Variants in ERBB4 observed in about 807,000 individuals in gnomAD.
ERBB4 encodes the protein receptor tyrosine-protein kinase erbB-4.
A neutral mutation model predicts 158.0 loss-of-function variants in ERBB4; 42 were observed. The ratio of observed to expected loss-of-function variants is 0.27; its 90% CI spans 0.21 to 0.34. ERBB4 has a LOEUF of 0.34. Ranked by LOEUF, ERBB4 falls within the 10% of genes least tolerant of loss-of-function variation. ERBB4 has a pLI of 1.00. For missense variants in ERBB4, 1,333 were observed against 1,624.1 expected, an observed-to-expected ratio of 0.82 and a Z score of 3.08; for synonymous variants, 583 against 558.7, an observed-to-expected ratio of 1.04 and a Z score of -0.61.
chr2:212,087,962 G>A (rs912887467), intron 2 of ERBB4, among the ~76,000 whole-genome samples: 3 of 152,052 alleles, frequency 2.0e-5, no homozygotes, highest in South Asian at 2.1e-4. Context: ...GAAATAATGC[G>A]TGTTAAGCTT....
intron 20 of ERBB4, among the ~76,000 whole-genome samples, chr2:211,526,999 G>A (rs1440270628): frequency 6.6e-6 from 1 of 152,004 alleles, no homozygotes; most frequent in Non-Finnish European, 1.5e-5. Context: ...TTAATGAGGA[G>A]ACAGAGAAAA....
intron 1 of ERBB4, among the ~76,000 whole-genome samples, chr2:212,261,206 G>C (rs2084931587): frequency 6.6e-6 from 1 of 152,152 alleles, no homozygotes; most frequent in South Asian, 2.1e-4. Context: ...TTGTGACCAA[G>C]ATACTGTTTG....
chr2:212,405,115 C>A (rs2091310040), intron 1 of ERBB4, among the ~76,000 whole-genome samples: 1 of 151,906 alleles, frequency 6.6e-6, no homozygotes, highest in South Asian at 2.1e-4. Flanking sequence ...GGTTAAATAT[C>A]CAGCATCCGT....
At chr2:212,319,972 T>G (rs1217042480) in intron 1 of ERBB4, among the ~76,000 whole-genome samples, 1 of 150,238 alleles carries the variant, frequency 6.7e-6, no homozygotes, top group East Asian at 1.9e-4. Context: ...CCTCCATTCC[T>G]TCCCCAAAAA....
At chr2:211,580,146 A>T (rs4599046) in intron 19 of ERBB4, among the ~76,000 whole-genome samples, 116,083 of 152,044 alleles carry the variant, frequency 0.76, 45,989 homozygotes, top group East Asian at 0.89. Context: ...AGTGAATTAA[A>T]GCAGTCTGTG....
chr2:211,589,858 G>C (rs4673623), intron 19 of ERBB4, among the ~76,000 whole-genome samples: 135,471 of 152,198 alleles, frequency 0.89, 60,511 homozygotes, highest in African/African-American at 0.96. Flanking sequence ...GTCCAATTAT[G>C]AGAGAAGAGC....
At chr2:212,047,466 T>TATTC (rs2077285889) in intron 2 of ERBB4, among the ~76,000 whole-genome samples, 1 of 151,590 alleles carries the variant, frequency 6.6e-6, no homozygotes, top group Admixed American at 6.6e-5. Flanking sequence ...ATATTAATTT[T>TATTC]ATTTATTTAT....
chr2:211,472,477 G>A (rs1043604256), intron 20 of ERBB4, among the ~76,000 whole-genome samples: 5 of 150,956 alleles, frequency 3.3e-5, no homozygotes, highest in Non-Finnish European at 5.9e-5. Context: ...CTTATAAAAC[G>A]CTATTATATT....
intron 19 of ERBB4, among the ~76,000 whole-genome samples, chr2:211,618,895 G>T (rs1427234441): frequency 6.6e-6 from 1 of 152,016 alleles, no homozygotes; most frequent in Non-Finnish European, 1.5e-5. Flanking sequence ...AACATTACAT[G>T]TCTGAATCAA....
At chr2:212,431,567 A>G (rs958892147) in intron 1 of ERBB4, among the ~76,000 whole-genome samples, 4 of 152,142 alleles carry the variant, frequency 2.6e-5, no homozygotes, top group Admixed American at 6.6e-5. Flanking sequence ...CATTGAATGT[A>G]TATCAGATCA....
At chr2:212,397,015 T>G (rs1185804803) in intron 1 of ERBB4, among the ~76,000 whole-genome samples, 1 of 152,212 alleles carries the variant, frequency 6.6e-6, no homozygotes, top group East Asian at 1.9e-4. Context: ...ATTAATCAAT[T>G]GGTATTGTAT....
intron 1 of ERBB4, among the ~76,000 whole-genome samples, chr2:212,407,000 C>T (rs1040669418): frequency 4.6e-5 from 7 of 152,028 alleles, no homozygotes; most frequent in Admixed American, 1.3e-4. Context: ...GGTGAATTCC[C>T]TTAAAATAGC....
rs190899647 is a variant in ERBB4 at position 212,418,067 on chromosome 2, A to C, written c.82+120382T>G. Among the ~76,000 whole-genome samples, 7 of 152,082 alleles carry C rather than the reference A, an allele frequency of 4.6e-5. No homozygotes were observed. The East Asian group carries it at 1.4e-3, about 29-fold the overall frequency. On this transcript the variant is annotated intron_variant, in intron 1 of 27. Coordinates refer to ENST00000342788, the MANE Select transcript of ERBB4 (RefSeq NM_005235.3). ...AGTCAGGAAGAAGGCCCTTACAAATAACTGAATCTATTAACATCTTGGTCT... is the reference window on the plus strand; with the variant it reads ...AGTCAGGAAGAAGGCCCTTACAAATCACTGAATCTATTAACATCTTGGTCT...
chr2:212,114,106 C>A (rs2079503177), intron 2 of ERBB4, among the ~76,000 whole-genome samples: 1 of 152,162 alleles, frequency 6.6e-6, no homozygotes, highest in African/African-American at 2.4e-5. Context: ...TGGGCTTTGT[C>A]TGGTACTTGT....
At chr2:211,640,021 C>A (rs2070514979) in intron 16 of ERBB4, among the ~76,000 whole-genome samples, 1 of 152,116 alleles carries the variant, frequency 6.6e-6, no homozygotes, top group Admixed American at 6.6e-5. Context: ...CCAAGTCTAG[C>A]CTTGAAAACA....
intron 2 of ERBB4, among the ~76,000 whole-genome samples, chr2:212,118,482 T>C (rs974560741): frequency 6.6e-6 from 1 of 152,176 alleles, no homozygotes; most frequent in Non-Finnish European, 1.5e-5. Context: ...TGAAATAGTA[T>C]AGATCCTTTA....
At chr2:212,523,885 A>C (rs1692306621) in intron 1 of ERBB4, among the ~76,000 whole-genome samples, 1 of 152,008 alleles carries the variant, frequency 6.6e-6, no homozygotes, top group Non-Finnish European at 1.5e-5. Context: ...CCTGGGACAG[A>C]CCATTCCGAC....
At chr2:211,808,505 G>A (rs763169936) in intron 3 of ERBB4, among the ~76,000 whole-genome samples, 7 of 152,068 alleles carry the variant, frequency 4.6e-5, no homozygotes, top group Non-Finnish European at 8.8e-5. Flanking sequence ...TTTGGTACCA[G>A]TACAATGCTG....
intron 1 of ERBB4, among the ~76,000 whole-genome samples, chr2:212,196,672 T>C (rs1047167425): frequency 6.6e-6 from 1 of 152,188 alleles, no homozygotes; most frequent in Non-Finnish European, 1.5e-5. Context: ...GGAATAGTAC[T>C]GTTTACTGAT....
Sources: gnomAD v4.1 joint callset for allele counts (sites outside exome capture counted in the v4.1 genomes callset) on GRCh38, gnomAD v4.1.1 for gene constraint, MANE v1.5 for transcripts, NCBI Gene and HGNC (gene_info 2026-07-23, HGNC 2026-07-21) for gene names.